PCDHA7: variants seen among roughly 807,000 people sequenced by gnomAD.
The protein encoded by PCDHA7 is protocadherin alpha 7, also known as protocadherin alpha-7.
Under a neutral mutation model 57.2 loss-of-function variants are expected in PCDHA7, and 37 were observed. The observed-to-expected ratio is 0.65, with a 90% confidence interval of 0.50 to 0.85. The LOEUF is 0.85. PCDHA7 is among the 40% of genes least tolerant of loss of function. PCDHA7 has a pLI of 0.00. For missense variants in PCDHA7, 1,188 were observed against 1,241.8 expected, an observed-to-expected ratio of 0.96 and a Z score of 0.65; for synonymous variants, 553 against 558.8, an observed-to-expected ratio of 0.99 and a Z score of 0.15.
intron 1 of PCDHA7, among the ~76,000 whole-genome samples, chr5:140,950,636 T>A (rs528587890): frequency 1.4e-3 from 206 of 152,222 alleles, no homozygotes; most frequent in Non-Finnish European, 2.4e-3. Flanking sequence ...TTTATTTTTA[T>A]CCTGTTTATG....
chr5:140,882,668 C>T, intron 1 of PCDHA7: 1 of 1,614,138 alleles, frequency 6.2e-7, no homozygotes, highest in Non-Finnish European at 8.5e-7. Context: ...GCCCATATTC[C>T]CTGAAAGCAA....
intron 1 of PCDHA7, among the ~76,000 whole-genome samples, chr5:140,977,308 A>G (rs2096754925): frequency 6.6e-6 from 1 of 152,230 alleles, no homozygotes; most frequent in South Asian, 2.1e-4. Context: ...CAAGCTAACG[A>G]TAGTGCTCCT....
intron 1 of PCDHA7, chr5:140,968,530 A>G (rs1554230830): frequency 6.2e-7 from 1 of 1,614,174 alleles, no homozygotes; most frequent in East Asian, 2.2e-5. Context: ...CCAACTCGTC[A>G]GCAGCCTTCG....
chr5:140,877,606 G>A, intron 1 of PCDHA7: 1 of 1,613,888 alleles, frequency 6.2e-7, no homozygotes, highest in Non-Finnish European at 8.5e-7. Flanking sequence ...CAGCCTGCTG[G>A]TGCTCACGCT....
chr5:140,834,968 A>G lies in PCDHA7; in HGVS notation c.585A>G (p.Val195=). The G allele has an allele frequency of 6.6e-7, 1 of 1,508,962 alleles. No individual in the cohort carries two copies. The highest frequency in any genetic ancestry group is 9.0e-7 in the Non-Finnish European group (1 of 1,114,540). The allele number at this position is 1,508,962 out of a possible 1,614,324, so 93.5% of individuals were successfully genotyped here. A position where few individuals can be genotyped will look rare whatever the true frequency, so the allele number is the denominator to read the frequency against. ...AGCAGGTAAAACCTCTTGGACTTGT[A>G]TTACGGAAACTTTTAGACAGAGAAG... ...SNQQVKPLGL[V]LRKLLDREET... is the part of the protein sequence containing the mutation. The change falls in exon 1 of 4, where the codon GTA becomes GTG. Residue 195 remains valine (V), a synonymous_variant. Transcript: ENST00000525929.
At chr5:140,879,555 C>A (rs1278975106) in intron 1 of PCDHA7, among the ~76,000 whole-genome samples, 1 of 152,048 alleles carries the variant, frequency 6.6e-6, no homozygotes, top group African/African-American at 2.4e-5. Flanking sequence ...AAAAATAATC[C>A]ATGAAAGAAT....
At chr5:140,942,311 G>A (rs781987580) in intron 1 of PCDHA7, among the ~76,000 whole-genome samples, 1 of 152,004 alleles carries the variant, frequency 6.6e-6, no homozygotes, top group Non-Finnish European at 1.5e-5. Flanking sequence ...TTGGGAGGTC[G>A]AGGCACAAGA....
At chr5:140,981,380 C>T (rs2096929731) in intron 2 of PCDHA7, among the ~76,000 whole-genome samples, 1 of 152,054 alleles carries the variant, frequency 6.6e-6, no homozygotes, top group Non-Finnish European at 1.5e-5. Flanking sequence ...TCAAGACCAG[C>T]CTGGTCAATA....
chr5:141,002,877 A>G (rs989540490), intron 3 of PCDHA7, among the ~76,000 whole-genome samples: 1 of 152,252 alleles, frequency 6.6e-6, no homozygotes, highest in Non-Finnish European at 1.5e-5. Context: ...CCTCAAGAAC[A>G]GAAAGAGAAC....
At chr5:140,842,635 C>G (rs1330338408) in intron 1 of PCDHA7, 3 of 1,590,774 alleles carry the variant, frequency 1.9e-6, no homozygotes, top group South Asian at 1.1e-5. Flanking sequence ...TGTGGGCCAC[C>G]GCCAGCTTGT....
chr5:140,872,424 C>T (rs534204647), intron 1 of PCDHA7, among the ~76,000 whole-genome samples: 4 of 152,028 alleles, frequency 2.6e-5, no homozygotes, highest in South Asian at 2.1e-4. Context: ...CCCAAGAGTT[C>T]GAGGCCTGCC....
intron 1 of PCDHA7, among the ~76,000 whole-genome samples, chr5:140,903,033 G>A (rs2069954043): frequency 6.6e-6 from 1 of 152,180 alleles, no homozygotes; most frequent in African/African-American, 2.4e-5. Context: ...GCTTGCACAT[G>A]TGTCTTTTTC....
At chr5:140,982,097 C>A (rs1313290841) in intron 2 of PCDHA7, among the ~76,000 whole-genome samples, 1 of 152,194 alleles carries the variant, frequency 6.6e-6, no homozygotes, top group Non-Finnish European at 1.5e-5. Flanking sequence ...AACAAGAGAA[C>A]CTGCAAGAGA....
chr5:140,870,319 T>A, intron 1 of PCDHA7: 1 of 1,614,162 alleles, frequency 6.2e-7, no homozygotes, highest in Non-Finnish European at 8.5e-7. Context: ...TTACTACTCG[T>A]TGGTGCTGGA....
chr5:140,915,838 A>AG (rs1359061531), intron 1 of PCDHA7, among the ~76,000 whole-genome samples: 1 of 152,154 alleles, frequency 6.6e-6, no homozygotes, highest in Admixed American at 6.5e-5. Flanking sequence ...TAAGATCAGC[A>AG]GGGGGTGACA....
intron 1 of PCDHA7, chr5:140,877,890 T>C (rs1554170211): frequency 6.9e-7 from 1 of 1,458,078 alleles, no homozygotes; most frequent in Non-Finnish European, 9.0e-7. Flanking sequence ...AGAACTTCCG[T>C]TTAGGTTATA....
At chr5:140,841,244 G>A in intron 1 of PCDHA7, 1 of 1,496,324 alleles carries the variant, frequency 6.7e-7, no homozygotes, top group South Asian at 1.4e-5. Context: ...CAGCGGAATT[G>A]GATTAAAAGA....
At chr5:140,941,202 C>CCTTCCTTTCTTT (rs1554213920) in intron 1 of PCDHA7, among the ~76,000 whole-genome samples, 197 of 122,808 alleles carry the variant, frequency 1.6e-3, no homozygotes, top group Admixed American at 2.9e-3. Flanking sequence ...TTTCTTTCTT[C>CCTTCCTTTCTTT]CTTTCTTTCT....
chr5:140,843,546 C>T (rs1562414778), intron 1 of PCDHA7: 1 of 1,595,752 alleles, frequency 6.3e-7, no homozygotes, highest in African/African-American at 1.3e-5. Context: ...CTGGTGTGCT[C>T]CAGTGCGGTG....
Sources: gnomAD v4.1 joint callset for allele counts (sites outside exome capture counted in the v4.1 genomes callset) on GRCh38, gnomAD v4.1.1 for gene constraint, MANE v1.5 for transcripts, NCBI Gene and HGNC (gene_info 2026-07-23, HGNC 2026-07-21) for gene names.